Variants in CD226 observed in about 807,000 individuals in gnomAD.
The protein encoded by CD226 is CD226 molecule.
In CD226, 24 loss-of-function variants were observed where a neutral mutation model predicts 34.9. That is an observed-to-expected ratio of 0.69 (90% CI 0.50 to 0.97). The LOEUF (loss-of-function observed/expected upper bound fraction) is 0.97. CD226 is among the 50% of genes least tolerant of loss of function. The probability of loss-of-function intolerance (pLI) is 0.00; values close to 1 mark genes in which losing one functional copy is unlikely to be tolerated. For missense variants in CD226, 397 were observed against 412.7 expected, an observed-to-expected ratio of 0.96 and a Z score of 0.33; for synonymous variants, 148 against 147.4, an observed-to-expected ratio of 1.00 and a Z score of -0.03.
At position 69,853,887 on chromosome 18, in the gene CD226, A is replaced by G. The variant is rs1467088931; in HGVS notation, c.*10427T>C. 6.6e-6 allele frequency: 1 copy of G among 152,152 alleles called. No homozygotes were observed. The highest frequency in any genetic ancestry group is 1.5e-5 in the Non-Finnish European group (1 of 68,032). 9.4% of individuals were successfully genotyped at this position (152,152 alleles called of 1,614,324 possible). A position where few individuals can be genotyped will look rare whatever the true frequency, so the allele number is the denominator to read the frequency against. ...TATACTTCATTTCATATTTATTTAA[A>G]AAATAAATATGTGCTTCATTTTGGA... On this transcript the variant is annotated 3_prime_UTR_variant, in exon 6 of 6. Transcript: ENST00000582621.
intron 3 of CD226, among the ~76,000 whole-genome samples, chr18:69,881,304 C>T (rs774090300): frequency 4.6e-5 from 7 of 152,192 alleles, no homozygotes; most frequent in Non-Finnish European, 8.8e-5. Flanking sequence ...ATTATCAGGT[C>T]ATACAAAGTT....
At chr18:69,949,372 G>A (rs567323641), upstream of CD226, among the ~76,000 whole-genome samples, 3 of 152,232 alleles carry the variant, frequency 2.0e-5, no homozygotes, top group South Asian at 6.2e-4. Flanking sequence ...GGACATGGAA[G>A]ACCTCCATCA....
chr18:69,946,563 G>A (rs973664844), intron 2 of CD226, among the ~76,000 whole-genome samples, 171 bp downstream of exon 2: 8 of 152,132 alleles, frequency 5.3e-5, no homozygotes, highest in Admixed American at 2.0e-4. Context: ...AAATGAAACA[G>A]ACTCCCAAGA....
intron 2 of CD226, 153 bp from the exon 3 acceptor site, chr18:69,896,198 C>G: frequency 3.8e-6 from 2 of 529,170 alleles, no homozygotes; most frequent in Non-Finnish European, 4.5e-6. Context: ...TTTTTTTTTC[C>G]TGAGACGGAG....
At chr18:69,918,998 C>G (rs553358278) in intron 2 of CD226, among the ~76,000 whole-genome samples, 2 of 152,154 alleles carry the variant, frequency 1.3e-5, no homozygotes, top group Admixed American at 1.3e-4. Flanking sequence ...CATGGGCCCT[C>G]CCAAGGCCTA....
rs117358667 is a variant in CD226, at chr18:69,925,693, T to C, written c.382+21041A>G. On this transcript the variant is annotated intron_variant, in intron 2 of 5. Transcript: ENST00000582621. ...CTCCATCCCTACTATATTACTAAAA[T>C]AGACTTCTGCCCAGCCTCCTTCACT... Among the ~76,000 whole-genome samples, 493 of 152,274 alleles carry C rather than the reference T, an allele frequency of 3.2e-3. 1 individual carries two copies. Among genetic ancestry groups the C allele is most frequent in the Non-Finnish European group, 5.4e-3 (366 of 68,026 alleles).
At chr18:69,906,477 A>G (rs1182032478) in intron 2 of CD226, among the ~76,000 whole-genome samples, 1 of 151,952 alleles carries the variant, frequency 6.6e-6, no homozygotes, top group Non-Finnish European at 1.5e-5. Flanking sequence ...TAGGGAAAGG[A>G]GAACACAAGG....
At chr18:69,873,284 C>A in intron 3 of CD226, 38 bp from the exon 4 acceptor site, 2 of 1,031,384 alleles carry the variant, frequency 1.9e-6, no homozygotes, top group East Asian at 2.5e-5. Flanking sequence ...ATTAGGAATT[C>A]AGCCAAAGGC....
upstream of CD226, among the ~76,000 whole-genome samples, chr18:69,952,089 CA>C (rs1216636054): frequency 4.6e-5 from 7 of 152,158 alleles, no homozygotes; most frequent in African/African-American, 1.7e-4. Flanking sequence ...GAATACTACA[CA>C]GCCCTAAAAA....
intron 2 of CD226, among the ~76,000 whole-genome samples, chr18:69,939,459 G>C (rs1278291501): frequency 6.6e-6 from 1 of 152,184 alleles, no homozygotes; most frequent in Non-Finnish European, 1.5e-5. Context: ...TAGTGATGTA[G>C]AGTATCCTAA....
At chr18:69,867,506 A>T in intron 4 of CD226, 95 bp from the exon 5 acceptor site, 3 of 778,540 alleles carry the variant, frequency 3.9e-6, no homozygotes, top group Non-Finnish European at 6.7e-6. Flanking sequence ...CCTAGCCCAC[A>T]TGCACCTTCT....
chr18:69,947,137 T>TATTGA, intron 1 of CD226, 68 bp from the exon 2 acceptor site: 1 of 1,336,258 alleles, frequency 7.5e-7, no homozygotes, highest in Non-Finnish European at 1.1e-6. Context: ...TATCTTAAGC[T>TATTGA]TTTGAAGACC....
At chr18:69,892,640 A>G (rs1050063082) in intron 3 of CD226, among the ~76,000 whole-genome samples, 8 of 152,112 alleles carry the variant, frequency 5.3e-5, no homozygotes, top group African/African-American at 1.7e-4. Context: ...TTCAAAACCA[A>G]TCAAGGCCTG....
chr18:69,864,045 T>C lies in CD226; in HGVS notation c.*269A>G. The C allele has an allele frequency of 3.4e-6, 1 of 290,880 alleles. No individual in the cohort carries two copies. 18.0% of individuals were successfully genotyped at this position (290,880 alleles called of 1,614,324 possible). The stretch of plus-strand genomic sequence containing the variant: ...GACACAACATTTAAGCCCTGGTAAA[T>C]AGCCCTTGCCCAAAGCTTAATCTCC... On this transcript the variant is annotated 3_prime_UTR_variant, in exon 6 of 6. Coordinates refer to ENST00000582621, the MANE Select transcript of CD226 (RefSeq NM_001303618.2).
chr18:69,869,705 G>C (rs1443210388), intron 4 of CD226, among the ~76,000 whole-genome samples: 2 of 151,382 alleles, frequency 1.3e-5, no homozygotes, highest in Non-Finnish European at 2.9e-5. Context: ...AAAATAAAGA[G>C]AGTAAACATA....
At chr18:69,950,673 T>C (rs1193718822), upstream of CD226, among the ~76,000 whole-genome samples, 2 of 152,054 alleles carry the variant, frequency 1.3e-5, no homozygotes, top group African/African-American at 4.8e-5. Context: ...TGTGGAAGTT[T>C]TTCAATCATT....
chr18:69,875,682 T>C (rs953889715), intron 3 of CD226, among the ~76,000 whole-genome samples: 1 of 152,262 alleles, frequency 6.6e-6, no homozygotes, highest in African/African-American at 2.4e-5. Flanking sequence ...GCCAGTGTTA[T>C]GTCTTCTTTG....
intron 2 of CD226, among the ~76,000 whole-genome samples, chr18:69,932,463 A>T (rs2055600898): frequency 6.6e-6 from 1 of 152,076 alleles, no homozygotes; most frequent in Non-Finnish European, 1.5e-5. Flanking sequence ...TCTAAGCAAA[A>T]ATCTGGAGCT....
chr18:69,939,331 AC>A (rs1474227012), intron 2 of CD226, among the ~76,000 whole-genome samples: 2 of 152,090 alleles, frequency 1.3e-5, no homozygotes, highest in African/African-American at 2.4e-5. Context: ...TATTTCTAAA[AC>A]CTTTAAAGAA....
Sources: allele counts gnomAD v4.1 joint callset (sites outside exome capture counted in the v4.1 genomes callset), GRCh38; gene constraint gnomAD v4.1.1; transcripts MANE v1.5; gene names NCBI Gene and HGNC (gene_info 2026-07-23, HGNC 2026-07-21).